NAV3: variants seen among roughly 807,000 people sequenced by gnomAD.
NAV3 encodes the protein pore membrane and/or filament interacting like protein 1.
NAV3 carries 87 observed loss-of-function variants against 244.7 expected under a neutral mutation model. The ratio of observed to expected loss-of-function variants is 0.36; its 90% CI spans 0.30 to 0.42. The LOEUF is 0.42. NAV3 is among the 20% of genes least tolerant of loss of function. The pLI is 1.00. For synonymous variants in NAV3, 1,126 were observed against 1,042.2 expected, an observed-to-expected ratio of 1.08 and a Z score of -1.55; for missense variants, 2,663 against 2,893.3, an observed-to-expected ratio of 0.92 and a Z score of 1.83.
intron 2 of NAV3, among the ~76,000 whole-genome samples, chr12:77,742,972 A>G (rs568489000): frequency 6.6e-6 from 1 of 152,186 alleles, no homozygotes; most frequent in South Asian, 2.1e-4. Flanking sequence ...CCAAAGTGCC[A>G]CTAGTGATGC....
At chr12:77,976,934 C>G (rs923647534) in intron 5 of NAV3, among the ~76,000 whole-genome samples, 1 of 152,024 alleles carries the variant, frequency 6.6e-6, no homozygotes, top group Non-Finnish European at 1.5e-5. Flanking sequence ...CTCGGCCTCC[C>G]AAAGTTCTGG....
At chr12:78,184,691 C>G (rs79008003) in intron 30 of NAV3, among the ~76,000 whole-genome samples, 2,377 of 151,728 alleles carry the variant, frequency 0.016, 49 homozygotes, top group African/African-American at 0.055. Flanking sequence ...ATGCTATAGT[C>G]GTAATCTTTT....
At chr12:77,918,988 T>C (rs768281469) in intron 1 of NAV3, among the ~76,000 whole-genome samples, 2 of 151,898 alleles carry the variant, frequency 1.3e-5, no homozygotes, top group Non-Finnish European at 2.9e-5. Flanking sequence ...CTGCAGAGAA[T>C]ATAAACAATG....
intron 2 of NAV3, among the ~76,000 whole-genome samples, chr12:77,620,936 G>A (rs562027420): frequency 1.2e-4 from 18 of 152,256 alleles, no homozygotes; most frequent in South Asian, 2.1e-4. Flanking sequence ...CAGAAACATC[G>A]GTGACATTGT....
At chr12:77,852,858 A>G (rs1460944383) in intron 1 of NAV3, among the ~76,000 whole-genome samples, 4 of 152,090 alleles carry the variant, frequency 2.6e-5, no homozygotes, top group Non-Finnish European at 5.9e-5. Flanking sequence ...TTCTCCCACA[A>G]TTTATTTTTT....
chr12:77,888,686 C>T (rs1427264177), intron 1 of NAV3, among the ~76,000 whole-genome samples: 1 of 151,962 alleles, frequency 6.6e-6, no homozygotes, highest in African/African-American at 2.4e-5. Context: ...AATATGTATC[C>T]AAAGATCCTA....
chr12:77,772,806 C>T (rs1012738385), intron 2 of NAV3, among the ~76,000 whole-genome samples: 3 of 152,110 alleles, frequency 2.0e-5, no homozygotes, highest in African/African-American at 2.4e-5. Flanking sequence ...CCAAAATGTG[C>T]TTTTGGGACA....
chr12:77,630,759 T>G (rs1337576047), intron 2 of NAV3, among the ~76,000 whole-genome samples: 1 of 152,196 alleles, frequency 6.6e-6, no homozygotes. Context: ...GACAAATCTT[T>G]TATTGCTTTA....
At position 77,940,335 on chromosome 12, in the gene NAV3, C is replaced by T. The variant is rs767166822; in HGVS notation, c.260C>T (p.Ala87Val). The T allele has an allele frequency of 1.2e-6, 2 of 1,613,532 alleles. No homozygotes were observed. Among genetic ancestry groups the T allele is most frequent in the Non-Finnish European group, 1.7e-6 (2 of 1,179,628 alleles). The change falls in exon 2 of 40, where the codon GCC becomes GTC. Residue 87 changes from alanine to valine, a missense_variant. Ala to Val is a moderately conservative substitution (Grantham distance 64). Transcript: ENST00000397909. ...GTTCAACAGATTTACACTGACTGGG[C>T]CAACCACTACCTAGCAAAATCAGGC... ...KEDSKIYTDW[A>V]NHYLAKSGHK...
At position 77,940,214 on chromosome 12, in the gene NAV3, G is replaced by T. The variant is rs1408564989; in HGVS notation, c.244-105G>T. ...GAGCTATGACTTCTTAAACTGGAAT[G>T]TGATCCAGAATAGCTTCCCTTTGAA... is the stretch of plus-strand genomic sequence containing the variant. On this transcript the variant is annotated intron_variant, in intron 1 of 39. Coordinates refer to ENST00000397909, the MANE Select transcript of NAV3 (RefSeq NM_001024383.2). 3.8e-6 allele frequency: 3 copies of T among 782,042 alleles called. No homozygotes were observed. In the African/African-American group the frequency reaches 5.2e-5, roughly 14 times the overall value. The allele number at this position is 782,042 out of a possible 1,614,324, so 48.4% of individuals were successfully genotyped here. A position where few individuals can be genotyped will look rare whatever the true frequency, so the allele number is the denominator to read the frequency against.
At chr12:77,895,257 T>A (rs1347970862) in intron 1 of NAV3, among the ~76,000 whole-genome samples, 6 of 152,010 alleles carry the variant, frequency 3.9e-5, no homozygotes, top group Non-Finnish European at 8.8e-5. Context: ...AACAGAAAAT[T>A]AATTGCTATT....
At chr12:78,196,167 A>AT in intron 34 of NAV3, among the ~76,000 whole-genome samples, 1 of 152,020 alleles carries the variant, frequency 6.6e-6, no homozygotes, top group Non-Finnish European at 1.5e-5. Flanking sequence ...TTTTAAACAT[A>AT]TTTTTTTCTG....
At chr12:77,733,524 G>T in intron 2 of NAV3, among the ~76,000 whole-genome samples, 1 of 152,002 alleles carries the variant, frequency 6.6e-6, no homozygotes, top group East Asian at 1.9e-4. Flanking sequence ...AATTGGAAAT[G>T]GTTGCAACCA....
intron 2 of NAV3, among the ~76,000 whole-genome samples, chr12:77,597,104 T>C (rs1870204010): frequency 6.6e-6 from 1 of 152,130 alleles, no homozygotes; most frequent in African/African-American, 2.4e-5. Context: ...TTGATGCACA[T>C]TTGCTGGGTT....
At chr12:78,121,275 A>G (rs1172415932) in intron 15 of NAV3, among the ~76,000 whole-genome samples, 1 of 152,200 alleles carries the variant, frequency 6.6e-6, no homozygotes, top group African/African-American at 2.4e-5. Context: ...ATCTAACAGC[A>G]CCAGCTCTGT....
intron 16 of NAV3, 125 bp from the exon 17 acceptor site, chr12:78,127,042 G>C (rs1399575845): frequency 3.7e-6 from 3 of 812,864 alleles, no homozygotes; most frequent in Non-Finnish European, 5.9e-6. Context: ...TTTTCAATGA[G>C]TTAAGCATTA....
At chr12:77,859,637 GAAAA>G (rs35019138) in intron 1 of NAV3, among the ~76,000 whole-genome samples, 1 of 136,646 alleles carries the variant, frequency 7.3e-6, no homozygotes, top group Non-Finnish European at 1.6e-5. Flanking sequence ...AAATCAAAGT[GAAAA>G]AAAAAAAATC....
chr12:78,142,467 T>C (rs1243474567), intron 20 of NAV3, among the ~76,000 whole-genome samples: 1 of 151,924 alleles, frequency 6.6e-6, no homozygotes, highest in African/African-American at 2.4e-5. Context: ...TTTATTTTAA[T>C]TAATTTACAT....
At chr12:78,190,274 C>A in intron 34 of NAV3, 55 bp downstream of exon 34, 1 of 1,418,486 alleles carries the variant, frequency 7.0e-7, no homozygotes. Flanking sequence ...GTGTTTTAAG[C>A]AATCAAATTA....
Sources: allele counts gnomAD v4.1 joint callset (sites outside exome capture counted in the v4.1 genomes callset), GRCh38; gene constraint gnomAD v4.1.1; transcripts MANE v1.5; gene names NCBI Gene and HGNC (gene_info 2026-07-23, HGNC 2026-07-21).